The following KALRN variants were observed in gnomAD, a reference collection of about 807,000 sequenced individuals.
KALRN encodes the protein kalirin RhoGEF kinase.
In KALRN, 70 loss-of-function variants were observed where a neutral mutation model predicts 353.7. The ratio of observed to expected loss-of-function variants is 0.20; its 90% confidence interval spans 0.16 to 0.24. The LOEUF is 0.24. Ranked by LOEUF, KALRN falls within the 10% of genes least tolerant of loss-of-function variation. The pLI is 1.00. For missense variants in KALRN, 2,791 were observed against 3,756.7 expected, an observed-to-expected ratio of 0.74 and a Z score of 6.72; for synonymous variants, 1,391 against 1,434.8, an observed-to-expected ratio of 0.97 and a Z score of 0.69.
Position 124,472,761 on chromosome 3 carries a change from A to G in KALRN, c.4032-1902A>G, listed in dbSNP as rs2061063115. Among the ~76,000 whole-genome samples the G allele has an allele frequency of 2.0e-5, 3 of 152,206 alleles. No homozygotes were observed. In the South Asian group the frequency reaches 6.2e-4, roughly 32 times the overall value. ...TTGCACTTTAATGGTCATATAAAGT[A>G]CATATTAGTTTAAATGTGTCACTTG... On this transcript the variant is annotated intron_variant, in intron 25 of 59. Coordinates refer to ENST00000682506, the MANE Select transcript of KALRN (RefSeq NM_001388419.1).
chr3:124,546,155 T>A (rs2069617953), intron 33 of KALRN, among the ~76,000 whole-genome samples: 1 of 152,104 alleles, frequency 6.6e-6, no homozygotes, highest in African/African-American at 2.4e-5. Context: ...TGTTACTTTG[T>A]CAAAGTGCTT....
In KALRN at chr3:124,269,086, G is replaced by T; in HGVS notation, c.800G>T (p.Arg267Leu). 6.2e-7 allele frequency: 1 copy of T among 1,612,534 alleles called. No individual in the cohort carries two copies. Among genetic ancestry groups the T allele is most frequent in the Non-Finnish European group, 8.5e-7 (1 of 1,179,490 alleles). Residue 267 changes from arginine (R) to leucine (L), a missense_variant, in exon 5 of 60, where the codon CGC becomes CTC. Physicochemically the swap from Arg to Leu is moderately radical, Grantham distance 102. Coordinates refer to ENST00000682506, the MANE Select transcript of KALRN (RefSeq NM_001388419.1). ...CIRCSDGFSG[R>L]NCIPGSADFQ... ...CGCTGCAGCGACGGCTTCTCAGGAC[G>T]CAACTGCATCCCGGGCAGTGCTGAC...
chr3:124,312,231 G>T (rs2078343038), intron 6 of KALRN, among the ~76,000 whole-genome samples: 1 of 152,124 alleles, frequency 6.6e-6, no homozygotes, highest in South Asian at 2.1e-4. Context: ...GGCGATCTCG[G>T]CTCACTGCAA....
intron 11 of KALRN, among the ~76,000 whole-genome samples, chr3:124,390,564 G>A (rs1310538362): frequency 6.6e-6 from 1 of 152,122 alleles, no homozygotes; most frequent in Non-Finnish European, 1.5e-5. Flanking sequence ...TTGCTGTACT[G>A]TTGTACTGTT....
At chr3:124,266,253 G>A (rs942564320) in intron 4 of KALRN, among the ~76,000 whole-genome samples, 1 of 152,122 alleles carries the variant, frequency 6.6e-6, no homozygotes, top group African/African-American at 2.4e-5. Context: ...AAACAATATG[G>A]ACACTATAAT....
intron 3 of KALRN, among the ~76,000 whole-genome samples, chr3:124,258,175 C>T (rs1447387206): frequency 6.6e-6 from 1 of 152,104 alleles, no homozygotes; most frequent in Admixed American, 6.5e-5. Flanking sequence ...GGAGACAGAG[C>T]CAGGGGGTGG....
At chr3:124,372,906 C>T (rs9877578) in intron 10 of KALRN, among the ~76,000 whole-genome samples, 1 of 151,788 alleles carries the variant, frequency 6.6e-6, no homozygotes, top group Non-Finnish European at 1.5e-5. Flanking sequence ...CTTGGATGAG[C>T]GGTTTCAATG....
chr3:124,251,355 C>CTTTTTTTTTTTTT (rs57628448), intron 3 of KALRN, among the ~76,000 whole-genome samples: 131 of 133,502 alleles, frequency 9.8e-4, no homozygotes, highest in East Asian at 1.8e-3. Context: ...CAAGTCTTTG[C>CTTTTTTTTTTTTT]TTTTTTTTTT....
In KALRN at chr3:124,286,078, CCTTCCTTTCTTT is replaced by C. The variant is rs1211227262; in HGVS notation, c.970-12709_970-12698del. ...AGTGTGCTGTTTTCTTTCTTTCTTT[CCTTCCTTTCTTT>C]CTTTCTTTCTTTCTTTCTTTCTTTC... On this transcript the variant is annotated intron_variant, in intron 5 of 59. Transcript: ENST00000682506. 4.5e-3 allele frequency among the ~76,000 whole-genome samples: 482 copies of C among 107,004 alleles called. 5 individuals carry two copies. Among genetic ancestry groups the C allele is most frequent in the African/African-American group, 6.5e-3 (173 of 26,524 alleles). The allele number at this position is 107,004 out of a possible 152,430, so 70.2% of individuals were successfully genotyped here. A position where few individuals can be genotyped will look rare whatever the true frequency, so the allele number is the denominator to read the frequency against.
intron 1 of KALRN, among the ~76,000 whole-genome samples, chr3:124,049,520 A>G (rs958468485): frequency 4.6e-5 from 7 of 152,204 alleles, no homozygotes; most frequent in Non-Finnish European, 7.3e-5. Context: ...TGCTGACTAA[A>G]TGAAAAGGGA....
intron 1 of KALRN, chr3:124,095,695 T>A (rs1194929870): frequency 6.6e-6 from 1 of 152,228 alleles, no homozygotes; most frequent in Non-Finnish European, 1.5e-5. Context: ...TCTGATAATG[T>A]GACACAAATC....
chr3:124,652,223 A>G (rs926053771), intron 38 of KALRN, among the ~76,000 whole-genome samples: 5 of 152,226 alleles, frequency 3.3e-5, no homozygotes, highest in African/African-American at 1.2e-4. Flanking sequence ...TTTCCTAGGA[A>G]ACAAAAGTGA....
chr3:124,150,817 T>A (rs1261384649), intron 1 of KALRN, among the ~76,000 whole-genome samples: 1 of 152,212 alleles, frequency 6.6e-6, no homozygotes, highest in African/African-American at 2.4e-5. Flanking sequence ...CACAGATCAA[T>A]AACATTATGA....
chr3:124,605,727 T>C (rs530636179), intron 34 of KALRN, among the ~76,000 whole-genome samples: 13 of 152,298 alleles, frequency 8.5e-5, no homozygotes, highest in African/African-American at 2.6e-4. Flanking sequence ...CCCCTGATTA[T>C]AGAGCTTTAG....
intron 33 of KALRN, among the ~76,000 whole-genome samples, chr3:124,502,075 G>A (rs766494884): frequency 1.1e-4 from 17 of 152,194 alleles, no homozygotes; most frequent in Non-Finnish European, 2.2e-4. Context: ...AGATGACTGA[G>A]AGAAAAATTG....
chr3:124,708,710 A>T (rs570179212), intron 57 of KALRN, among the ~76,000 whole-genome samples: 3 of 152,158 alleles, frequency 2.0e-5, no homozygotes, highest in East Asian at 1.9e-4. Context: ...TGCAGAAAAA[A>T]TTTTTGAAGA....
chr3:124,368,561 G>A (rs1208739173), intron 10 of KALRN, among the ~76,000 whole-genome samples: 5 of 146,872 alleles, frequency 3.4e-5, no homozygotes, highest in East Asian at 2.1e-4. Flanking sequence ...GGGCGGAGAC[G>A]CTCCTCACTT....
At chr3:124,457,054 C>G (rs2059376558) in intron 23 of KALRN, among the ~76,000 whole-genome samples, 1 of 144,138 alleles carries the variant, frequency 6.9e-6, no homozygotes, top group African/African-American at 2.5e-5. Context: ...TTTTATTCTG[C>G]CTTCTGATTT....
At chr3:124,702,948 G>A (rs947870245) in intron 57 of KALRN, among the ~76,000 whole-genome samples, 4 of 152,062 alleles carry the variant, frequency 2.6e-5, no homozygotes, top group African/African-American at 9.7e-5. Flanking sequence ...GAAACAAAAG[G>A]CATTCATCCC....
Sources: gnomAD v4.1 joint callset for allele counts (sites outside exome capture counted in the v4.1 genomes callset) on GRCh38, gnomAD v4.1.1 for gene constraint, MANE v1.5 for transcripts, NCBI Gene and HGNC (gene_info 2026-07-23, HGNC 2026-07-21) for gene names.